The following ST8SIA6 variants were observed in gnomAD, a reference collection of about 807,000 sequenced individuals.
ST8SIA6 encodes alpha-2,8-sialyltransferase 8F.
Under a neutral mutation model 33.6 loss-of-function variants are expected in ST8SIA6, and 39 were observed. The observed-to-expected ratio is 1.16, with a 90% CI of 0.90 to 1.52. The LOEUF (loss-of-function observed/expected upper bound fraction) is 1.52. Among genes scored for constraint, ST8SIA6 ranks in the 40% most tolerant of loss-of-function variants. The pLI is 0.00. For missense variants in ST8SIA6, 441 were observed against 443.8 expected, an observed-to-expected ratio of 0.99 and a Z score of 0.06; for synonymous variants, 172 against 167.2, an observed-to-expected ratio of 1.03 and a Z score of -0.22.
chr10:17,426,550 T>C (rs911856655), intron 2 of ST8SIA6, among the ~76,000 whole-genome samples: 1 of 152,120 alleles, frequency 6.6e-6, no homozygotes, highest in Non-Finnish European at 1.5e-5. Context: ...CCCAGGGACA[T>C]TAATTCTCCC....
chr10:17,337,361 G>T (rs140262897), intron 4 of ST8SIA6, among the ~76,000 whole-genome samples: 1 of 152,280 alleles, frequency 6.6e-6, no homozygotes, highest in East Asian at 1.9e-4. Context: ...GCAGCAGACT[G>T]TTCTTTATTC....
chr10:17,323,391 C>CT (rs1848025723), intron 6 of ST8SIA6, among the ~76,000 whole-genome samples: 1 of 136,862 alleles, frequency 7.3e-6, no homozygotes, highest in Admixed American at 7.6e-5. Flanking sequence ...AAAATATACA[C>CT]CTTTTTTTTT....
rs71393003 is a variant in ST8SIA6, at chr10:17,338,031, CTTTTTT to C, written c.378-6485_378-6480del. Among the ~76,000 whole-genome samples the C allele has an allele frequency of 1.1e-3, 147 of 131,412 alleles. 2 individuals are homozygous for C. The South Asian group carries it at 0.014, about 12-fold the overall frequency. 86.2% of individuals were successfully genotyped at this position (131,412 alleles called of 152,430 possible). The stretch of plus-strand genomic sequence containing the variant: ...ACACAAGGAGGCAGAAAATACTATT[CTTTTTT>C]TTTTTTTTTTTTTTGAGACGGAGTT... On this transcript the variant is annotated intron_variant, in intron 4 of 7. Coordinates refer to ENST00000377602, the MANE Select transcript of ST8SIA6 (RefSeq NM_001004470.3).
intron 6 of ST8SIA6, among the ~76,000 whole-genome samples, chr10:17,325,215 A>G (rs1588778894): frequency 7.0e-6 from 1 of 142,712 alleles, no homozygotes; most frequent in East Asian, 2.0e-4. Flanking sequence ...TACATATAAT[A>G]CTGTATTATA....
intron 3 of ST8SIA6, among the ~76,000 whole-genome samples, chr10:17,378,835 G>C (rs753703045): frequency 3.9e-5 from 6 of 152,092 alleles, no homozygotes; most frequent in Non-Finnish European, 8.8e-5. Flanking sequence ...GATTAAAGGA[G>C]GGACTTTTCA....
intron 4 of ST8SIA6, among the ~76,000 whole-genome samples, chr10:17,339,754 A>G (rs1848614693): frequency 6.6e-6 from 1 of 152,188 alleles, no homozygotes; most frequent in African/African-American, 2.4e-5. Context: ...ACCCTACAAT[A>G]GCCCTACAAA....
intron 4 of ST8SIA6, among the ~76,000 whole-genome samples, chr10:17,358,820 C>T (rs916348687): frequency 3.3e-5 from 5 of 151,934 alleles, no homozygotes; most frequent in Non-Finnish European, 7.4e-5. Context: ...GAAGCCCCGC[C>T]CCCCAAAAAA....
At chr10:17,361,648 T>C (rs1474665880) in intron 3 of ST8SIA6, among the ~76,000 whole-genome samples, 1 of 146,504 alleles carries the variant, frequency 6.8e-6, no homozygotes, top group Non-Finnish European at 1.5e-5. Flanking sequence ...GGGAGTAAGA[T>C]ACTTCCCAAC....
At chr10:17,452,520 G>A (rs958561568) in intron 2 of ST8SIA6, among the ~76,000 whole-genome samples, 1 of 152,186 alleles carries the variant, frequency 6.6e-6, no homozygotes, top group African/African-American at 2.4e-5. Context: ...AGCCCTTCGA[G>A]GAAGCAACTG....
intron 2 of ST8SIA6, among the ~76,000 whole-genome samples, chr10:17,429,414 G>A (rs11254589): frequency 1.3e-5 from 2 of 150,838 alleles, no homozygotes; most frequent in East Asian, 3.9e-4. Context: ...CTTCTGCTTG[G>A]CCGCCTCTTC....
In ST8SIA6 at chr10:17,390,273, G is replaced by A. The variant is rs984411050; in HGVS notation, c.290+258C>T. Among the ~76,000 whole-genome samples, 9 of 152,090 alleles carry A rather than the reference G, an allele frequency of 5.9e-5. 1 individual carries two copies. In the South Asian group the frequency reaches 1.0e-3, roughly 18 times the overall value. On this transcript the variant is annotated intron_variant, in intron 3 of 7. Coordinates refer to ENST00000377602, the MANE Select transcript of ST8SIA6 (RefSeq NM_001004470.3). ...ACTGGGATTACAGCCATGAGCCACC[G>A]CACCTGGCCCCTACATGGTATTTTT... is the stretch of plus-strand genomic sequence containing the variant.
intron 3 of ST8SIA6, among the ~76,000 whole-genome samples, chr10:17,364,454 A>C (rs1205620626): frequency 6.6e-6 from 1 of 152,194 alleles, no homozygotes; most frequent in East Asian, 1.9e-4. Flanking sequence ...ACAGTACTCA[A>C]GGTACTTACT....
chr10:17,380,113 A>C lies in ST8SIA6; in HGVS notation c.290+10418T>G, dbSNP rs561858773. 1.1e-4 allele frequency among the ~76,000 whole-genome samples: 16 copies of C among 152,284 alleles called. No homozygotes were observed. The South Asian group carries it at 3.3e-3, about 32-fold the overall frequency. ...TTTGGGGGGACTTTACTTGCTTCCA[A>C]CAGGAAGGCAAGTTTTCCTGCTTCC... On this transcript the variant is annotated intron_variant, in intron 3 of 7. Coordinates refer to ENST00000377602, the MANE Select transcript of ST8SIA6 (RefSeq NM_001004470.3).
intron 4 of ST8SIA6, among the ~76,000 whole-genome samples, chr10:17,336,844 T>G (rs1156804876): frequency 6.6e-6 from 1 of 152,066 alleles, no homozygotes; most frequent in Non-Finnish European, 1.5e-5. Flanking sequence ...TCCACCCCCC[T>G]CGGCCTCCAA....
chr10:17,410,680 G>A (rs1442893331), intron 2 of ST8SIA6: 1 of 151,950 alleles, frequency 6.6e-6, no homozygotes, highest in Non-Finnish European at 1.5e-5. Flanking sequence ...AACTCATCCA[G>A]GGAAAATTAA....
chr10:17,372,426 T>C (rs2131633689), intron 3 of ST8SIA6, among the ~76,000 whole-genome samples: 1 of 152,298 alleles, frequency 6.6e-6, no homozygotes, highest in Admixed American at 6.5e-5. Flanking sequence ...GTAGTGGAAA[T>C]AGAATAGTTA....
chr10:17,424,882 A>G (rs1445060187), intron 2 of ST8SIA6, among the ~76,000 whole-genome samples: 1 of 151,856 alleles, frequency 6.6e-6, no homozygotes, highest in African/African-American at 2.4e-5. Flanking sequence ...TACAGGCACA[A>G]GCCACCATAC....
chr10:17,347,911 G>T (rs1848891978), intron 4 of ST8SIA6, among the ~76,000 whole-genome samples: 2 of 141,056 alleles, frequency 1.4e-5, no homozygotes, highest in Non-Finnish European at 3.0e-5. Flanking sequence ...AGCCGAGATT[G>T]CGCCACTGCA....
At chr10:17,368,194 G>A (rs1043055505) in intron 3 of ST8SIA6, among the ~76,000 whole-genome samples, 10 of 133,564 alleles carry the variant, frequency 7.5e-5, no homozygotes, top group Non-Finnish European at 1.4e-4. Flanking sequence ...TCAGGAGTTC[G>A]AGACCAGCCT....
Sources: allele counts gnomAD v4.1 joint callset (sites outside exome capture counted in the v4.1 genomes callset), GRCh38; gene constraint gnomAD v4.1.1; transcripts MANE v1.5; gene names NCBI Gene and HGNC (gene_info 2026-07-23, HGNC 2026-07-21).